Variants in LAMA2 observed in about 807,000 individuals in gnomAD.
LAMA2 encodes the protein laminin subunit alpha 2, also known as laminin subunit alpha-2.
A neutral mutation model predicts 364.8 loss-of-function variants in LAMA2; 269 were observed. That is an observed-to-expected ratio of 0.74 (90% CI 0.67 to 0.82). The LOEUF is 0.82. Ranked by LOEUF, LAMA2 falls within the 40% of genes least tolerant of loss-of-function variation. The probability of loss-of-function intolerance (pLI) is 0.00; values close to 1 mark genes in which losing one functional copy is unlikely to be tolerated. For missense variants in LAMA2, 3,807 were observed against 3,873.2 expected (o/e 0.98, Z 0.45); for synonymous variants, 1,379 against 1,370.6 (o/e 1.01, Z -0.14).
intron 35 of LAMA2, among the ~76,000 whole-genome samples, chr6:129,389,099 G>T (rs1487874541): frequency 1.3e-5 from 2 of 152,168 alleles, no homozygotes; most frequent in Non-Finnish European, 2.9e-5. Context: ...ATATTGGGAG[G>T]ATTCTTTGGC....
intron 12 of LAMA2, among the ~76,000 whole-genome samples, chr6:129,229,762 A>G (rs1160211307): frequency 6.6e-6 from 1 of 152,164 alleles, no homozygotes; most frequent in Non-Finnish European, 1.5e-5. Flanking sequence ...GCTGTGGAAC[A>G]TGAAAGAAAG....
In LAMA2 at chr6:129,177,802, C is replaced by G. The variant is rs111695726; in HGVS notation, c.1403C>G (p.Ala468Gly). ...TACACTGGCTACCCGGACTGCAAAG[C>G]CTGTAACTGCAGTGGGTTAGGGAGC... is the stretch of plus-strand genomic sequence containing the variant. ...RGYTGYPDCK[A>G]CNCSGLGSKN... is the part of the protein sequence containing the mutation. The change falls in exon 10 of 65, where the codon GCC becomes GGC. Residue 468 changes from alanine (A) to glycine (G), a missense_variant. By Grantham distance (60) the Ala-to-Gly change is moderately conservative. This residue lies in a region of LAMA2 where 3,333 missense variants were observed against 3,345.7 expected (regional missense o/e 1.00). Transcript: ENST00000421865. The G allele has an allele frequency of 1.2e-3, 2,005 of 1,613,914 alleles. 22 individuals are homozygous for G. The African/African-American group carries it at 0.024, about 19-fold the overall frequency.
At chr6:129,329,518 C>A (rs953480797) in intron 29 of LAMA2, among the ~76,000 whole-genome samples, 1 of 152,100 alleles carries the variant, frequency 6.6e-6, no homozygotes, top group African/African-American at 2.4e-5. Flanking sequence ...CACGCCACCA[C>A]ACCTGGATAT....
intron 1 of LAMA2, among the ~76,000 whole-genome samples, chr6:128,899,563 A>T (rs1291391398): frequency 6.6e-6 from 1 of 152,212 alleles, no homozygotes; most frequent in Non-Finnish European, 1.5e-5. Context: ...CTCTTTTTGG[A>T]CAGACCAAGA....
intron 1 of LAMA2, among the ~76,000 whole-genome samples, chr6:128,973,961 G>A (rs1782362550): frequency 6.6e-6 from 1 of 152,166 alleles, no homozygotes; most frequent in South Asian, 2.1e-4. Flanking sequence ...CTAGCAGAGA[G>A]GCCAACTCAC....
At position 128,890,412 on chromosome 6, in the gene LAMA2, C is replaced by T. The variant is rs140728159; in HGVS notation, c.112+7055C>T. On this transcript the variant is annotated intron_variant, in intron 1 of 64. Coordinates refer to ENST00000421865, the MANE Select transcript of LAMA2 (RefSeq NM_000426.4). ...TTTGGACTTTTATATATTTATCTTT[C>T]ATAAAATACCCTGAGGAAAAAAAAA... Among the ~76,000 whole-genome samples, 83 of 151,988 alleles carry T rather than the reference C, an allele frequency of 5.5e-4. 1 individual carries two copies. Among genetic ancestry groups the T allele is most frequent in the African/African-American group, 2.0e-3 (82 of 41,474 alleles).
chr6:129,123,308 A>T (rs1408594548), intron 4 of LAMA2, among the ~76,000 whole-genome samples: 4 of 150,370 alleles, frequency 2.7e-5, no homozygotes, highest in Non-Finnish European at 4.5e-5. Context: ...TCTGTCTCAA[A>T]AAAAAAAAAA....
At chr6:129,277,792 C>A (rs1428973281) in intron 17 of LAMA2, among the ~76,000 whole-genome samples, 1 of 152,086 alleles carries the variant, frequency 6.6e-6, no homozygotes, top group Admixed American at 6.6e-5. Flanking sequence ...ATTTTTATTG[C>A]CTAATTTTTT....
intron 7 of LAMA2, among the ~76,000 whole-genome samples, chr6:129,153,352 A>C (rs190379329): frequency 2.9e-4 from 44 of 152,346 alleles, no homozygotes; most frequent in African/African-American, 1.0e-3. Context: ...GAAATTAAGA[A>C]GTTTCCAATG....
At chr6:129,437,195 A>T (rs1295257906) in intron 41 of LAMA2, among the ~76,000 whole-genome samples, 1 of 152,122 alleles carries the variant, frequency 6.6e-6, no homozygotes, top group Admixed American at 6.6e-5. Flanking sequence ...GACTATGTGG[A>T]TTTGAATACC....
At chr6:129,258,759 T>C (rs1474770742) in intron 14 of LAMA2, among the ~76,000 whole-genome samples, 1 of 152,038 alleles carries the variant, frequency 6.6e-6, no homozygotes, top group African/African-American at 2.4e-5. Flanking sequence ...TCTAAACTAA[T>C]GACAAGAAAA....
intron 1 of LAMA2, among the ~76,000 whole-genome samples, chr6:128,966,450 G>A (rs760109774): frequency 5.3e-5 from 8 of 151,776 alleles, no homozygotes; most frequent in Non-Finnish European, 1.2e-4. Flanking sequence ...TTTATACGCA[G>A]GTCCCTTAAA....
At chr6:129,355,755 T>G (rs1777115988) in intron 32 of LAMA2, among the ~76,000 whole-genome samples, 1 of 152,182 alleles carries the variant, frequency 6.6e-6, no homozygotes, top group Non-Finnish European at 1.5e-5. Context: ...TTTAGTAGCA[T>G]GTATTGTACA....
chr6:129,414,079 G>T (rs1780668285), intron 40 of LAMA2, among the ~76,000 whole-genome samples: 1 of 151,934 alleles, frequency 6.6e-6, no homozygotes, highest in African/African-American at 2.4e-5. Context: ...AAATAAAAAT[G>T]GATATATTGG....
At position 129,149,097 on chromosome 6, in the gene LAMA2, G is replaced by GT. The variant is rs1275803903; in HGVS notation, c.1027+2dup. ...TTTCTAACTAAAACTGAATGTGAAG[G>GT]TATGTTCTTTAGAAGCCAACAAAAT... On this transcript the variant is annotated splice_donor_variant, in intron 7 of 64. Transcript: ENST00000421865. LOFTEE classifies it high-confidence loss of function. The GT allele has an allele frequency of 6.4e-7, 1 of 1,564,678 alleles. No individual in the cohort carries two copies. Among genetic ancestry groups the GT allele is most frequent in the Non-Finnish European group, 8.8e-7 (1 of 1,135,270 alleles).
At chr6:129,338,948 G>A (rs1333437019) in intron 29 of LAMA2, among the ~76,000 whole-genome samples, 4 of 147,952 alleles carry the variant, frequency 2.7e-5, no homozygotes, top group Admixed American at 6.7e-5. Flanking sequence ...ATATGGAGGG[G>A]TAAGCACAGT....
At chr6:129,048,493 TTTCC>T (rs1300484688) in intron 1 of LAMA2, among the ~76,000 whole-genome samples, 112 of 51,278 alleles carry the variant, frequency 2.2e-3, no homozygotes, top group African/African-American at 7.7e-3. Flanking sequence ...TCTTTCTTTC[TTTCC>T]TTCCTTCCTT....
chr6:129,258,502 G>T (rs906939825), intron 14 of LAMA2, among the ~76,000 whole-genome samples: 28 of 152,050 alleles, frequency 1.8e-4, no homozygotes, highest in Non-Finnish European at 2.9e-5. Context: ...GTTTACAGGG[G>T]TTAGAGGAAG....
At chr6:128,956,098 A>G (rs1189859721) in intron 1 of LAMA2, among the ~76,000 whole-genome samples, 1 of 152,018 alleles carries the variant, frequency 6.6e-6, no homozygotes, top group African/African-American at 2.4e-5. Flanking sequence ...ACCATCAAAG[A>G]TACATAATAA....
Sources: gnomAD v4.1 joint callset for allele counts (sites outside exome capture counted in the v4.1 genomes callset) on GRCh38, gnomAD v4.1.1 for gene constraint, gnomAD v4.1.1 regional missense constraint, MANE v1.5 for transcripts, NCBI Gene and HGNC (gene_info 2026-07-23, HGNC 2026-07-21) for gene names.